The following PGK1 variants were observed in gnomAD, a reference collection of about 807,000 sequenced individuals.
The protein encoded by PGK1 is PRP 2.
PGK1 carries 3 observed loss-of-function variants against 26.9 expected under a neutral mutation model. The observed-to-expected ratio is 0.11, with a 90% CI of 0.05 to 0.29. PGK1 has a LOEUF of 0.29. Among genes scored for constraint, PGK1 ranks in the 10% least tolerant of loss-of-function variants. PGK1 has a pLI of 1.00. For missense variants in PGK1, 270 were observed against 314.7 expected (o/e 0.86, Z 1.07); for synonymous variants, 125 against 115.3 (o/e 1.08, Z -0.54).
intron 8 of PGK1, among the ~76,000 whole-genome samples, chrX:78,124,253 T>A (rs1473040942): frequency 1.8e-5 from 2 of 111,837 alleles, no homozygotes; most frequent in African/African-American, 6.5e-5. Flanking sequence ...CAAAGTATGT[T>A]CCTAAGACCA....
At chrX:78,106,380 T>A in intron 1 of PGK1, 1 of 743,839 alleles carries the variant, frequency 1.3e-6, no homozygotes, top group Non-Finnish European at 1.6e-6. Flanking sequence ...TACCTTCTAC[T>A]TATTTAGGCT....
In PGK1 at chrX:78,123,512, G is replaced by A. The variant is rs1375801190; in HGVS notation, c.936+138G>A. Reference sequence around the variant, plus strand: ...GTCAGAGAGGGCTCTGCATGTTGCAGTGAGTCCCTCATGGAAGAATCCATG... The same window carrying A: ...GTCAGAGAGGGCTCTGCATGTTGCAATGAGTCCCTCATGGAAGAATCCATG... On this transcript the variant is annotated intron_variant, in intron 8 of 10. Transcript: ENST00000373316. 2.1e-5 allele frequency: 11 copies of A among 527,648 alleles called. No homozygotes were observed. The African/African-American group carries it at 2.3e-4, about 11-fold the overall frequency. 43.5% of individuals were successfully genotyped at this position (527,648 alleles called of 1,213,427 possible).
intron 2 of PGK1, among the ~76,000 whole-genome samples, chrX:78,111,200 T>G (rs1052734863): frequency 9.1e-6 from 1 of 109,879 alleles, no homozygotes; most frequent in Non-Finnish European, 1.9e-5. Flanking sequence ...TCCTCCCATC[T>G]CAGCCTCCCA....
chrX:78,111,917 C>A (rs1233107328), intron 2 of PGK1, among the ~76,000 whole-genome samples: 1 of 112,128 alleles, frequency 8.9e-6, no homozygotes, highest in Non-Finnish European at 1.9e-5. Context: ...AAGGGATAGT[C>A]CTGAAAACTA....
At chrX:78,106,949 G>A (rs1249404663) in intron 1 of PGK1, among the ~76,000 whole-genome samples, 1 of 109,975 alleles carries the variant, frequency 9.1e-6, no homozygotes, top group Non-Finnish European at 1.9e-5. Context: ...AGAGAAACAG[G>A]AAAAAATTGA....
At chrX:78,117,693 C>T (rs950912304) in intron 5 of PGK1, among the ~76,000 whole-genome samples, 9 of 112,375 alleles carry the variant, frequency 8.0e-5, no homozygotes, top group Non-Finnish European at 1.5e-4. Context: ...CTTTTATGAA[C>T]GTTATAAGAT....
rs948792612 is a variant in PGK1, at chrX:78,125,353, G to C, written c.1141G>C (p.Ala381Pro). The C allele has an allele frequency of 2.5e-6, 3 of 1,203,516 alleles. No homozygotes were observed. The highest frequency in any genetic ancestry group is 3.4e-6 in the Non-Finnish European group (3 of 889,949). The part of the protein sequence containing the change: ...IGGGDTATCC[A>P]KWNTEDKVSH... ...TGGTGGAGACACTGCCACTTGCTGT[G>C]CCAAATGGAACACGGAGGATAAAGT... is the stretch of plus-strand genomic sequence containing the variant. Residue 381 changes from alanine to proline, a missense_variant, in exon 10 of 11, where the codon GCC becomes CCC. Around this residue, in one of 3 missense-constraint regions of PGK1, gnomAD observed 103 missense variants for 114.6 expected, o/e 0.90. Transcript: ENST00000373316.
chrX:78,120,304 G>A (rs1425420697), intron 6 of PGK1, among the ~76,000 whole-genome samples: 1 of 108,570 alleles, frequency 9.2e-6, no homozygotes, highest in Non-Finnish European at 1.9e-5. Flanking sequence ...TTTCTTTTAT[G>A]TCCTAACTCT....
At chrX:78,118,496 T>A (rs1603397908) in intron 6 of PGK1, among the ~76,000 whole-genome samples, 1 of 110,702 alleles carries the variant, frequency 9.0e-6, no homozygotes, top group East Asian at 2.8e-4. Context: ...GGAGGATCAC[T>A]TGAGCCTGGG....
At position 78,104,357 on chromosome X, in the gene PGK1, A is replaced by G. The variant is rs782715366; in HGVS notation, c.17A>G (p.Lys6Arg). MSLSN[K>R]LTLDKLDVKG... ...ATTTCCAAAATGTCGCTTTCTAACAAGCTGACGCTGGACAAGCTGGACGTT... is the reference window on the plus strand; with the variant it reads ...ATTTCCAAAATGTCGCTTTCTAACAGGCTGACGCTGGACAAGCTGGACGTT... Residue 6 changes from lysine to arginine, a missense_variant, in exon 1 of 11, where the codon AAG (lysine) becomes AGG (arginine). Transcript: ENST00000373316. 8 of 1,206,885 alleles carry G rather than the reference A, an allele frequency of 6.6e-6. No homozygotes were observed. The Admixed American group carries it at 1.3e-4, about 20-fold the overall frequency.
At chrX:78,122,755 A>T in intron 6 of PGK1, 80 bp from the exon 7 acceptor site, 1 of 609,292 alleles carries the variant, frequency 1.6e-6, no homozygotes, top group Non-Finnish European at 2.8e-6. Flanking sequence ...CTGTGCCTTG[A>T]AATAGAAACT....
chrX:78,125,475 A>G (rs781981959), intron 10 of PGK1, 50 bp downstream of exon 10: 1 of 830,570 alleles, frequency 1.2e-6, no homozygotes, highest in South Asian at 2.1e-5. Flanking sequence ...TGGACTGTGC[A>G]GTGAGAGGTG....
chrX:78,121,588 T>G, intron 6 of PGK1, among the ~76,000 whole-genome samples: 1 of 112,687 alleles, frequency 8.9e-6, no homozygotes, highest in Middle Eastern at 4.6e-3. Flanking sequence ...ATTATCTTGT[T>G]TATTGAATGA....
Position 78,120,424 on chromosome X carries a change from G to A in PGK1, c.641+2254G>A, listed in dbSNP as rs782669763. Among the ~76,000 whole-genome samples, 12 of 110,252 alleles carry A rather than the reference G, an allele frequency of 1.1e-4. No homozygotes were observed. In the South Asian group the frequency reaches 4.6e-3, roughly 43 times the overall value. ...GAAATAAATATGTGTATATATGTGT[G>A]TGTGTGTGTGTACATATATAGATAT... On this transcript the variant is annotated intron_variant, in intron 6 of 10. Coordinates refer to ENST00000373316, the MANE Select transcript of PGK1 (RefSeq NM_000291.4).
chrX:78,118,265 T>C, intron 6 of PGK1, 95 bp downstream of exon 6: 1 of 917,365 alleles, frequency 1.1e-6, no homozygotes, highest in East Asian at 3.1e-5. Context: ...TCAGTCACAC[T>C]GGGTAACTGA....
intron 1 of PGK1, among the ~76,000 whole-genome samples, chrX:78,108,152 A>G (rs183110837): frequency 9.0e-6 from 1 of 111,571 alleles, no homozygotes; most frequent in African/African-American, 3.3e-5. Flanking sequence ...CTAATTCATT[A>G]GTAAGCTGAC....
intron 6 of PGK1, among the ~76,000 whole-genome samples, chrX:78,122,626 C>T (rs1373838140): frequency 9.0e-6 from 1 of 110,911 alleles, no homozygotes; most frequent in Non-Finnish European, 1.9e-5. Context: ...TAAAAAGATA[C>T]ACTGATGTCT....
rs1366543007 is a variant in PGK1 at position 78,105,292 on chromosome X, G to C, written c.65+887G>C. ...CTTTTACATTTATCCTTTTTGTCAC[G>C]TGTGATATATTTGTGCATACCAGGA... On this transcript the variant is annotated intron_variant, in intron 1 of 10. Transcript: ENST00000373316. Among the ~76,000 whole-genome samples, 3 of 111,769 alleles carry C rather than the reference G, an allele frequency of 2.7e-5. No individual in the cohort carries two copies. The East Asian group carries it at 8.4e-4, about 31-fold the overall frequency.
intron 1 of PGK1, among the ~76,000 whole-genome samples, chrX:78,105,949 C>T (rs1557246163): frequency 8.9e-6 from 1 of 111,825 alleles, no homozygotes; most frequent in Non-Finnish European, 1.9e-5. Flanking sequence ...TTAATTAGTT[C>T]CTTGCATCTC....
Sources: allele counts gnomAD v4.1 joint callset (sites outside exome capture counted in the v4.1 genomes callset), GRCh38; gene constraint gnomAD v4.1.1; regional missense constraint gnomAD v4.1.1; transcripts MANE v1.5; gene names NCBI Gene and HGNC (gene_info 2026-07-23, HGNC 2026-07-21).